WDFY4: variants seen among roughly 807,000 people sequenced by gnomAD.
The protein encoded by WDFY4 is WDFY family member 4.
WDFY4 carries 169 observed loss-of-function variants against 351.9 expected under a neutral mutation model. The observed-to-expected ratio is 0.48, with a 90% CI of 0.42 to 0.55. WDFY4 has a LOEUF of 0.55. Ranked by LOEUF, WDFY4 falls within the 20% of genes least tolerant of loss-of-function variation. The pLI, the probability that WDFY4 is intolerant of heterozygous loss-of-function variation, is 0.00. For missense variants in WDFY4, 3,803 were observed against 3,935.6 expected (o/e 0.97, Z 0.90); for synonymous variants, 1,622 against 1,574.6 (o/e 1.03, Z -0.71).
intron 52 of WDFY4, among the ~76,000 whole-genome samples, chr10:48,958,530 A>G (rs961582269): frequency 5.9e-5 from 9 of 152,194 alleles, no homozygotes; most frequent in African/African-American, 1.9e-4. Context: ...CCAGCAATGG[A>G]GGCCAAGAGA....
At chr10:48,944,520 T>C (rs528454574) in intron 49 of WDFY4, among the ~76,000 whole-genome samples, 54 of 152,368 alleles carry the variant, frequency 3.5e-4, no homozygotes, top group African/African-American at 1.3e-3. Flanking sequence ...ACAAGGTGGC[T>C]GAGCCACTTG....
chr10:48,716,047 T>C (rs943440058), intron 2 of WDFY4, among the ~76,000 whole-genome samples: 3 of 152,178 alleles, frequency 2.0e-5, no homozygotes. Flanking sequence ...GAGTGGGACC[T>C]GCAACATGGT....
chr10:48,789,393 C>A (rs553911853), intron 21 of WDFY4, among the ~76,000 whole-genome samples: 1 of 152,268 alleles, frequency 6.6e-6, no homozygotes, highest in East Asian at 1.9e-4. Flanking sequence ...GGAACTAGGT[C>A]CTGTTGATCA....
At chr10:48,783,675 A>G (rs1215516828) in intron 19 of WDFY4, among the ~76,000 whole-genome samples, 2 of 152,222 alleles carry the variant, frequency 1.3e-5, no homozygotes, top group Non-Finnish European at 2.9e-5. Flanking sequence ...CCTTTAAAAA[A>G]TAGTGTGGCC....
chr10:48,798,102 A>G (rs1031947013), intron 24 of WDFY4, among the ~76,000 whole-genome samples: 1 of 152,186 alleles, frequency 6.6e-6, no homozygotes, highest in Non-Finnish European at 1.5e-5. Context: ...ATATCAAAAC[A>G]CCACAGGGCT....
At chr10:48,920,844 T>C (rs943328246) in intron 47 of WDFY4, among the ~76,000 whole-genome samples, 33 of 152,228 alleles carry the variant, frequency 2.2e-4, no homozygotes, top group African/African-American at 8.0e-4. Flanking sequence ...AAAACACCCA[T>C]TGCATTTCCA....
Position 48,946,947 on chromosome 10 carries a change from C to G in WDFY4, c.7955C>G (p.Thr2652Ser). 6.4e-7 allele frequency: 1 copy of G among 1,551,470 alleles called. No homozygotes were observed. The highest frequency in any genetic ancestry group is 8.7e-7 in the Non-Finnish European group (1 of 1,146,988). The stretch of plus-strand genomic sequence containing the variant: ...TACCTGGTCCGGATGCCACCCTTCA[C>G]CCAGGCCTTCTGCGCTCTGCAGGTG... ...ASYLVRMPPF[T>S]QAFCALQGGS... The change falls in exon 51 of 62, where the codon ACC becomes AGC. Residue 2652 changes from threonine to serine, a missense_variant. Thr to Ser is a moderately conservative substitution (Grantham distance 58, BLOSUM62 1). Coordinates refer to ENST00000325239, the MANE Select transcript of WDFY4 (RefSeq NM_001394531.1).
At position 48,943,268 on chromosome 10, in the gene WDFY4, C is replaced by A. The variant is rs1840874962; in HGVS notation, c.7630-62C>A. The A allele has an allele frequency of 2.0e-6, 3 of 1,535,900 alleles. No homozygotes were observed. In the Admixed American group the frequency reaches 5.9e-5, roughly 30 times the overall value. On this transcript the variant is annotated intron_variant, in intron 48 of 61. Transcript: ENST00000325239. ...CTGCTGCCGAGGCCTGAGGGTGGGA[C>A]CCATGGCTTTGCAGGAGCATCAAAC... is the stretch of plus-strand genomic sequence containing the variant.
chr10:48,910,161 C>T lies in WDFY4; in HGVS notation c.7586+8298C>T, dbSNP rs1340702269. Reference sequence around the variant, plus strand: ...ATCTCACTTGCCACTCTGTCTTCTCCTAACTGGGGGCTTCTCCTCTTCAGA... The same window carrying T: ...ATCTCACTTGCCACTCTGTCTTCTCTTAACTGGGGGCTTCTCCTCTTCAGA... On this transcript the variant is annotated intron_variant, in intron 47 of 61. Transcript: ENST00000325239. 17 of 1,368,178 alleles carry T rather than the reference C, an allele frequency of 1.2e-5. No individual in the cohort carries two copies. The East Asian group carries it at 1.8e-4, about 15-fold the overall frequency. 84.8% of individuals were successfully genotyped at this position (1,368,178 alleles called of 1,614,324 possible). A position where few individuals can be genotyped will look rare whatever the true frequency, so the allele number is the denominator to read the frequency against.
In WDFY4 at chr10:48,923,496, G is replaced by GTATATATATATATATATATATA. The variant is rs374289050; in HGVS notation, c.7587-18293_7587-18292insATATATATATATATATATATAT. 2.8e-3 allele frequency among the ~76,000 whole-genome samples: 175 copies of GTATATATATATATATATATATA among 63,166 alleles called. 21 individuals are homozygous for GTATATATATATATATATATATA. The highest frequency in any genetic ancestry group is 8.8e-3 in the East Asian group (2 of 228). The allele number at this position is 63,166 out of a possible 152,430, so 41.4% of individuals were successfully genotyped here. ...TCAGGTAAACAACAAATAGTTTTTA[G>GTATATATATATATATATATATA]TATATATATATATATATGTCCCAAA... On this transcript the variant is annotated intron_variant, in intron 47 of 61. Transcript: ENST00000325239.
At chr10:48,880,258 G>A (rs749763618) in intron 43 of WDFY4, among the ~76,000 whole-genome samples, 5 of 152,212 alleles carry the variant, frequency 3.3e-5, no homozygotes, top group Non-Finnish European at 4.4e-5. Flanking sequence ...CAGCCTGCAG[G>A]TGCCTTTGAC....
At chr10:48,744,817 G>A (rs150066842) in intron 12 of WDFY4, among the ~76,000 whole-genome samples, 6 of 152,250 alleles carry the variant, frequency 3.9e-5, no homozygotes, top group Admixed American at 1.3e-4. Context: ...CCATTTCATC[G>A]AAGTTTCCAT....
chr10:48,746,461 T>C (rs976154198), intron 12 of WDFY4, among the ~76,000 whole-genome samples: 3 of 152,184 alleles, frequency 2.0e-5, no homozygotes, highest in Non-Finnish European at 4.4e-5. Flanking sequence ...TAGGTGTTTT[T>C]CTTGTAAACA....
Position 48,805,357 on chromosome 10 carries a change from T to C in WDFY4, c.4582T>C (p.Ser1528Pro), listed in dbSNP as rs2170132. Residue 1528 changes from serine (S) to proline (P), a missense_variant, in exon 26 of 62, where the codon TCC becomes CCC. Ser to Pro is a moderately conservative substitution (Grantham distance 74). Around this residue, in one of 3 missense-constraint regions of WDFY4, gnomAD observed 3,054 missense variants for 3,148.6 expected, o/e 0.97. Coordinates refer to ENST00000325239, the MANE Select transcript of WDFY4 (RefSeq NM_001394531.1). ...NEPSLIPSKI[S>P]TIIGILACQL... ...GCCGAGCCTCATCCCCTCCAAGATC[T>C]CCACCATCATTGGCATCCTGGCCTG... is the stretch of plus-strand genomic sequence containing the variant. The C allele has an allele frequency of 0.36, 552,205 of 1,549,058 alleles. 111,682 individuals are homozygous for C. The highest frequency in any genetic ancestry group is 0.87 in the East Asian group (35,370 of 40,870).
chr10:48,802,621 G>T, intron 24 of WDFY4: 1 of 454,358 alleles, frequency 2.2e-6, no homozygotes, highest in East Asian at 7.0e-5. Context: ...GCCCCAGAAG[G>T]ATCACTAGCA....
intron 47 of WDFY4, among the ~76,000 whole-genome samples, chr10:48,902,105 G>A (rs11101556): frequency 0.089 from 13,556 of 152,280 alleles, 1,418 homozygotes; most frequent in African/African-American, 0.26. Flanking sequence ...CAAGTGGCAG[G>A]AAGCCATCCT....
At chr10:48,729,646 C>T (rs1424158656) in intron 8 of WDFY4, 57 bp downstream of exon 8, 2 of 1,532,658 alleles carry the variant, frequency 1.3e-6, no homozygotes, top group East Asian at 4.9e-5. Context: ...CCTGAGAAGG[C>T]TACAGAGGGT....
chr10:48,884,497 C>T (rs2133340576), intron 43 of WDFY4, among the ~76,000 whole-genome samples: 1 of 152,264 alleles, frequency 6.6e-6, no homozygotes, highest in East Asian at 1.9e-4. Context: ...CACATGCATG[C>T]ACAGACACAC....
chr10:48,810,767 C>T (rs1565225424), intron 29 of WDFY4, 32 bp downstream of exon 29: 1 of 1,487,010 alleles, frequency 6.7e-7, no homozygotes, highest in Non-Finnish European at 9.0e-7. Flanking sequence ...GGGAGTGGGG[C>T]ACCACCTAGT....
Sources: gnomAD v4.1 joint callset for allele counts (sites outside exome capture counted in the v4.1 genomes callset) on GRCh38, gnomAD v4.1.1 for gene constraint, gnomAD v4.1.1 regional missense constraint, MANE v1.5 for transcripts, NCBI Gene and HGNC (gene_info 2026-07-23, HGNC 2026-07-21) for gene names.